TSPAN9: variants seen among roughly 807,000 people sequenced by gnomAD.
The protein encoded by TSPAN9 is tetraspanin-9.
Under a neutral mutation model 31.0 loss-of-function variants are expected in TSPAN9, and 16 were observed. The observed-to-expected ratio is 0.52, with a 90% CI of 0.35 to 0.78. TSPAN9 has a LOEUF of 0.78. TSPAN9 is among the 30% of genes least tolerant of loss of function. TSPAN9 has a pLI of 0.01. For missense variants in TSPAN9, 272 were observed against 312.5 expected (o/e 0.87, Z 0.98); for synonymous variants, 145 against 121.6 (o/e 1.19, Z -1.27).
At chr12:3,089,569 A>C (rs1213512894) in intron 2 of TSPAN9, among the ~76,000 whole-genome samples, 1 of 151,934 alleles carries the variant, frequency 6.6e-6, no homozygotes, top group Non-Finnish European at 1.5e-5. Context: ...TGCTGGGATT[A>C]CAGGTGTGAG....
intron 2 of TSPAN9, among the ~76,000 whole-genome samples, chr12:3,150,352 T>TG (rs2098339181): frequency 6.6e-6 from 1 of 152,074 alleles, no homozygotes; most frequent in South Asian, 2.1e-4. Context: ...ATTTTGTTGA[T>TG]GGGGGGCAGG....
Position 3,109,022 on chromosome 12 carries a change from G to C in TSPAN9, c.-18+25303G>C, listed in dbSNP as rs542221467. Among the ~76,000 whole-genome samples the C allele has an allele frequency of 2.6e-5, 4 of 151,848 alleles. No homozygotes were observed. In the South Asian group the frequency reaches 8.3e-4, roughly 32 times the overall value. On this transcript the variant is annotated intron_variant, in intron 2 of 8. Coordinates refer to ENST00000011898, the MANE Select transcript of TSPAN9 (RefSeq NM_006675.5). ...GCGATCTCCGCTCACTGCAAGCTCCGCCTCTCGGGTTTACACCATTCTCCT... is the reference window on the plus strand; with the variant it reads ...GCGATCTCCGCTCACTGCAAGCTCCCCCTCTCGGGTTTACACCATTCTCCT...
chr12:3,184,243 CA>C (rs2098359906), intron 2 of TSPAN9, among the ~76,000 whole-genome samples: 2 of 152,042 alleles, frequency 1.3e-5, no homozygotes, highest in South Asian at 4.2e-4. Flanking sequence ...AGAAAAAATA[CA>C]AAAATTAGCT....
Position 3,142,684 on chromosome 12 carries a change from C to T in TSPAN9, c.-17-58493C>T, listed in dbSNP as rs1381077101. ...CTCCTGGTGCCCCGCATCCCTGCCC[C>T]CGGGTGCCTGCGGTGCGTATCTCCC... On this transcript the variant is annotated intron_variant, in intron 2 of 8. Coordinates refer to ENST00000011898, the MANE Select transcript of TSPAN9 (RefSeq NM_006675.5). Among the ~76,000 whole-genome samples the T allele has an allele frequency of 2.0e-5, 3 of 152,186 alleles. No individual in the cohort carries two copies. In the East Asian group the frequency reaches 5.8e-4, roughly 29 times the overall value.
rs562389704 is a variant in TSPAN9 at position 3,179,580 on chromosome 12, A to G, written c.-17-21597A>G. On this transcript the variant is annotated intron_variant, in intron 2 of 8. Coordinates refer to ENST00000011898, the MANE Select transcript of TSPAN9 (RefSeq NM_006675.5). ...CAGCTGAGTAGAATTTGTAACGGGT[A>G]AGATATTGGCTTGGTTTACAATTGG... Among the ~76,000 whole-genome samples the G allele has an allele frequency of 1.1e-4, 16 of 152,322 alleles. No individual in the cohort carries two copies. In the South Asian group the frequency reaches 3.3e-3, roughly 32 times the overall value.
Position 3,136,233 on chromosome 12 carries a change from C to T in TSPAN9, c.-18+52514C>T, listed in dbSNP as rs555114446. On this transcript the variant is annotated intron_variant, in intron 2 of 8. Coordinates refer to ENST00000011898, the MANE Select transcript of TSPAN9 (RefSeq NM_006675.5). ...TGCTTACATTTATTGGTTTCCTCCT[C>T]TTTGAGGGGCAGCCCTGAATCCCTC... 9.5e-4 allele frequency among the ~76,000 whole-genome samples: 144 copies of T among 152,340 alleles called. 2 individuals are homozygous for T. Among genetic ancestry groups the T allele is most frequent in the African/African-American group, 3.4e-3 (142 of 41,580 alleles).
chr12:3,106,156 C>T (rs991718013), intron 2 of TSPAN9, among the ~76,000 whole-genome samples: 15 of 152,254 alleles, frequency 9.9e-5, no homozygotes, highest in Non-Finnish European at 1.6e-4. Context: ...TTGGTTAGTT[C>T]GCCTGTGCAT....
intron 3 of TSPAN9, among the ~76,000 whole-genome samples, chr12:3,252,806 G>A (rs879781106): frequency 2.0e-5 from 3 of 152,206 alleles, no homozygotes; most frequent in Non-Finnish European, 4.4e-5. Flanking sequence ...CCTTTGCAGG[G>A]CTGAGTGAGC....
At chr12:3,213,650 A>T (rs1489193505) in intron 3 of TSPAN9, among the ~76,000 whole-genome samples, 6 of 150,162 alleles carry the variant, frequency 4.0e-5, no homozygotes. Context: ...GCCCCCCTTC[A>T]CCTGTCCCTT....
intron 2 of TSPAN9, among the ~76,000 whole-genome samples, chr12:3,104,300 G>A (rs114783615): frequency 0.011 from 1,723 of 152,110 alleles, 35 homozygotes; most frequent in African/African-American, 0.037. Flanking sequence ...GTGGCTGCTC[G>A]GTAGAAAATC....
At chr12:3,128,140 C>T (rs1279497255) in intron 2 of TSPAN9, among the ~76,000 whole-genome samples, 4 of 152,138 alleles carry the variant, frequency 2.6e-5, no homozygotes, top group Non-Finnish European at 5.9e-5. Flanking sequence ...ATGGTACTAC[C>T]GATATTACAA....
intron 2 of TSPAN9, among the ~76,000 whole-genome samples, chr12:3,092,453 A>G (rs1480591273): frequency 1.3e-5 from 2 of 152,064 alleles, no homozygotes; most frequent in East Asian, 1.9e-4. Flanking sequence ...ACAAATGTCT[A>G]TTTCTGTTTT....
chr12:3,219,966 C>T (rs111509441), intron 3 of TSPAN9, among the ~76,000 whole-genome samples: 3,403 of 151,800 alleles, frequency 0.022, 139 homozygotes, highest in African/African-American at 0.077. Context: ...ACTAGCCTGG[C>T]CAACGTGGTG....
chr12:3,266,121 C>T (rs2153979508), intron 3 of TSPAN9, among the ~76,000 whole-genome samples: 1 of 152,310 alleles, frequency 6.6e-6, no homozygotes, highest in African/African-American at 2.4e-5. Context: ...TGTGTCTGCA[C>T]ACTCTATCAC....
chr12:3,160,479 A>G (rs12099881), intron 2 of TSPAN9, among the ~76,000 whole-genome samples: 4,338 of 152,332 alleles, frequency 0.028, 214 homozygotes, highest in African/African-American at 0.099. Flanking sequence ...TGGATCATAT[A>G]GTAACTCTAT....
At chr12:3,083,354 C>G (rs921769117) in intron 1 of TSPAN9, among the ~76,000 whole-genome samples, 5 of 152,312 alleles carry the variant, frequency 3.3e-5, no homozygotes, top group Admixed American at 1.3e-4. Flanking sequence ...ATGACAAATA[C>G]ATGGTGAGGA....
In TSPAN9 at chr12:3,201,253, C is replaced by A. The variant is rs2098371549; in HGVS notation, c.60C>A (p.Phe20Leu). Residue 20 changes from phenylalanine to leucine, a missense_variant, in exon 3 of 9, where the codon TTC (phenylalanine) becomes TTA (leucine). Phe to Leu is a conservative substitution (Grantham distance 22). Coordinates refer to ENST00000011898, the MANE Select transcript of TSPAN9 (RefSeq NM_006675.5). ...KYMMFLFNLI[F>L]WLCGCGLLGV... is the part of the protein sequence containing the mutation. The stretch of plus-strand genomic sequence containing the variant: ...TGATGTTCCTCTTCAATTTGATATT[C>A]TGGGTAAGTCCTTCCGTTTCTCTCT... 6.2e-7 allele frequency: 1 copy of A among 1,613,872 alleles called. No individual in the cohort carries two copies.
chr12:3,112,477 G>A (rs910587841), intron 2 of TSPAN9, among the ~76,000 whole-genome samples: 2 of 151,578 alleles, frequency 1.3e-5, no homozygotes, highest in African/African-American at 4.8e-5. Flanking sequence ...CGCCTGGCCT[G>A]TAATGTTCCA....
Position 3,092,718 on chromosome 12 carries a change from C to G in TSPAN9, c.-18+8999C>G, listed in dbSNP as rs369947937. Among the ~76,000 whole-genome samples, 30 of 152,346 alleles carry G rather than the reference C, an allele frequency of 2.0e-4. No homozygotes were observed. The South Asian group carries it at 6.0e-3, about 31-fold the overall frequency. ...ACCCACTGCTTATCCAAATGGGTCT[C>G]AGTTGTTTGGCACATTGGATGTCCC... On this transcript the variant is annotated intron_variant, in intron 2 of 8. Transcript: ENST00000011898.
Sources: gnomAD v4.1 joint callset for allele counts (sites outside exome capture counted in the v4.1 genomes callset) on GRCh38, gnomAD v4.1.1 for gene constraint, MANE v1.5 for transcripts, NCBI Gene and HGNC (gene_info 2026-07-23, HGNC 2026-07-21) for gene names.